ANKS1B: variants seen among roughly 807,000 people sequenced by gnomAD.
ANKS1B encodes ankyrin repeat and sterile alpha motif domain containing 1B, also known as ankyrin repeat and sterile alpha motif domain-containing protein 1B.
ANKS1B carries 36 observed loss-of-function variants against 148.3 expected under a neutral mutation model. That is an observed-to-expected ratio of 0.24 (90% CI 0.19 to 0.32). The LOEUF (loss-of-function observed/expected upper bound fraction) is 0.32, where lower values mean the gene tolerates loss of function less well. ANKS1B is among the 10% of genes least tolerant of loss of function. The probability of loss-of-function intolerance (pLI) is 1.00; values close to 1 mark genes in which losing one functional copy is unlikely to be tolerated. For synonymous variants in ANKS1B, 542 were observed against 560.8 expected (o/e 0.97, Z 0.47); for missense variants, 1,157 against 1,542.6 (o/e 0.75, Z 4.19).
chr12:99,604,541 G>A (rs2097835078), intron 9 of ANKS1B, among the ~76,000 whole-genome samples: 1 of 151,964 alleles, frequency 6.6e-6, no homozygotes, highest in Admixed American at 6.6e-5. Context: ...GAGGCTGGGT[G>A]GAGTGCCTAA....
chr12:99,462,886 C>G (rs538645714), intron 10 of ANKS1B, among the ~76,000 whole-genome samples: 6 of 152,296 alleles, frequency 3.9e-5, no homozygotes, highest in East Asian at 1.9e-4. Flanking sequence ...ACTCTCTCAT[C>G]ATGTGATATG....
intron 26 of ANKS1B, among the ~76,000 whole-genome samples, chr12:98,748,866 C>T (rs997743277): frequency 6.6e-6 from 1 of 152,184 alleles, no homozygotes; most frequent in South Asian, 2.1e-4. Context: ...ATAGAGGCAC[C>T]TGCTGTGAAC....
chr12:99,881,164 G>T lies in ANKS1B; in HGVS notation c.135-55775C>A, dbSNP rs375757184. Among the ~76,000 whole-genome samples, 5 of 152,338 alleles carry T rather than the reference G, an allele frequency of 3.3e-5. No homozygotes were observed. In the East Asian group the frequency reaches 9.6e-4, roughly 29 times the overall value. On this transcript the variant is annotated intron_variant, in intron 1 of 26. Transcript: ENST00000683438. ...GTAGACACCAGCATACAAACAGAGA[G>T]ATTTCCAGAGAAGTCCTCTAGCTCT...
At chr12:99,327,717 T>C (rs535892299) in intron 12 of ANKS1B, among the ~76,000 whole-genome samples, 1 of 150,654 alleles carries the variant, frequency 6.6e-6, no homozygotes, top group African/African-American at 2.4e-5. Context: ...AAGTTGTATA[T>C]ATTTATATAA....
In ANKS1B at chr12:98,987,001, T is replaced by G. The variant is rs185874135; in HGVS notation, c.2778+66156A>C. On this transcript the variant is annotated intron_variant, in intron 17 of 26. Coordinates refer to ENST00000683438, the MANE Select transcript of ANKS1B (RefSeq NM_001352186.2). ...GGGCCATTCTTAAGTATAATTTTTT[T>G]GATGTTTTTATCCTTTGAAATGAGT... Among the ~76,000 whole-genome samples the G allele has an allele frequency of 1.8e-3, 274 of 152,238 alleles. 1 individual carries two copies. Among genetic ancestry groups the G allele is most frequent in the African/African-American group, 6.2e-3 (258 of 41,540 alleles).
At chr12:99,168,063 A>G (rs1464045744) in intron 14 of ANKS1B, among the ~76,000 whole-genome samples, 5 of 152,230 alleles carry the variant, frequency 3.3e-5, no homozygotes, top group Admixed American at 2.6e-4. Flanking sequence ...TGGTAGGATT[A>G]CAAAGGGGCA....
At chr12:99,826,389 C>T (rs1453363582) in intron 1 of ANKS1B, among the ~76,000 whole-genome samples, 1 of 152,086 alleles carries the variant, frequency 6.6e-6, no homozygotes, top group African/African-American at 2.4e-5. Context: ...AACAAGGGGT[C>T]ATGGCAGACT....
intron 11 of ANKS1B, among the ~76,000 whole-genome samples, chr12:99,416,861 T>A (rs978834430): frequency 2.0e-5 from 3 of 152,228 alleles, no homozygotes; most frequent in Non-Finnish European, 4.4e-5. Context: ...AGTACATTTT[T>A]TTTTAACCAG....
At chr12:99,579,509 A>G (rs1333361121) in intron 9 of ANKS1B, among the ~76,000 whole-genome samples, 1 of 152,152 alleles carries the variant, frequency 6.6e-6, no homozygotes, top group African/African-American at 2.4e-5. Flanking sequence ...AACAACAAAA[A>G]CAAATAACCC....
At chr12:98,852,749 TC>T (rs1022591607) in intron 17 of ANKS1B, among the ~76,000 whole-genome samples, 1 of 151,922 alleles carries the variant, frequency 6.6e-6, no homozygotes, top group African/African-American at 2.4e-5. Flanking sequence ...CTGAGCTTTT[TC>T]CCCCCCTCCA....
At chr12:98,887,819 G>A (rs1281463334) in intron 17 of ANKS1B, among the ~76,000 whole-genome samples, 1 of 152,084 alleles carries the variant, frequency 6.6e-6, no homozygotes, top group Non-Finnish European at 1.5e-5. Context: ...GGCCGTGTTG[G>A]CCAGACTGGT....
At chr12:99,288,979 G>A (rs1488463758) in intron 12 of ANKS1B, among the ~76,000 whole-genome samples, 1 of 151,892 alleles carries the variant, frequency 6.6e-6, no homozygotes, top group Non-Finnish European at 1.5e-5. Flanking sequence ...GGATGAAAAA[G>A]CAAGACCCAT....
intron 17 of ANKS1B, chr12:98,895,388 C>A: frequency 1.2e-6 from 1 of 862,610 alleles, no homozygotes. Flanking sequence ...GTGACCGGCT[C>A]GGCAGCGGCA....
intron 12 of ANKS1B, among the ~76,000 whole-genome samples, chr12:99,306,833 A>AT (rs990481851): frequency 6.6e-6 from 1 of 151,960 alleles, no homozygotes; most frequent in East Asian, 1.9e-4. Flanking sequence ...TATACAGTTG[A>AT]TTTTTTTAAC....
rs139814206 is a variant in ANKS1B at position 99,962,136 on chromosome 12, T to G, written c.134+21968A>C. 1.6e-3 allele frequency among the ~76,000 whole-genome samples: 246 copies of G among 152,268 alleles called. 8 individuals carry two copies. In the East Asian group the frequency reaches 0.04, roughly 25 times the overall value. ...GTGCAGAACGTGCAGGTTTGTTACATAGGTATACATGTGCCATGGTGGTTT... is the reference window on the plus strand; with the variant it reads ...GTGCAGAACGTGCAGGTTTGTTACAGAGGTATACATGTGCCATGGTGGTTT... On this transcript the variant is annotated intron_variant, in intron 1 of 26. Coordinates refer to ENST00000683438, the MANE Select transcript of ANKS1B (RefSeq NM_001352186.2).
intron 1 of ANKS1B, among the ~76,000 whole-genome samples, chr12:99,850,368 C>G (rs12821587): frequency 6.7e-6 from 1 of 149,342 alleles, no homozygotes; most frequent in East Asian, 1.9e-4. Flanking sequence ...GCCTAGCTGA[C>G]CTTATTTATT....
intron 15 of ANKS1B, among the ~76,000 whole-genome samples, chr12:99,151,073 G>T (rs1031625727): frequency 2.0e-5 from 3 of 152,088 alleles, no homozygotes; most frequent in Non-Finnish European, 4.4e-5. Context: ...TCTAAACTAT[G>T]TGCACAACTA....
chr12:99,272,253 A>G (rs2077130932), intron 12 of ANKS1B, among the ~76,000 whole-genome samples: 1 of 152,198 alleles, frequency 6.6e-6, no homozygotes, highest in African/African-American at 2.4e-5. Flanking sequence ...CTTCAGAGCT[A>G]ACCCAGGGAT....
chr12:99,642,116 A>T (rs1567544183), intron 9 of ANKS1B, among the ~76,000 whole-genome samples: 1 of 152,228 alleles, frequency 6.6e-6, no homozygotes, highest in Non-Finnish European at 1.5e-5. Flanking sequence ...TCCTAAAATG[A>T]TTAAAAAATT....
Sources: gnomAD v4.1 joint callset for allele counts (sites outside exome capture counted in the v4.1 genomes callset) on GRCh38, gnomAD v4.1.1 for gene constraint, MANE v1.5 for transcripts, NCBI Gene and HGNC (gene_info 2026-07-23, HGNC 2026-07-21) for gene names.